SGMS1: variants seen among roughly 807,000 people sequenced by gnomAD.
SGMS1 encodes phosphatidylcholine:ceramide cholinephosphotransferase 1.
In SGMS1, 13 loss-of-function variants were observed where a neutral mutation model predicts 46.2. The observed-to-expected ratio is 0.28, with a 90% CI of 0.18 to 0.45. The LOEUF (loss-of-function observed/expected upper bound fraction) is 0.45, where lower values mean the gene tolerates loss of function less well. SGMS1 is among the 20% of genes least tolerant of loss of function. The pLI, the probability that SGMS1 is intolerant of heterozygous loss-of-function variation, is 1.00. For synonymous variants in SGMS1, 203 were observed against 187.8 expected, an observed-to-expected ratio of 1.08 and a Z score of -0.66; for missense variants, 324 against 519.9, an observed-to-expected ratio of 0.62 and a Z score of 3.66.
chr10:50,383,513 T>C (rs190495679), intron 6 of SGMS1, among the ~76,000 whole-genome samples: 220 of 152,222 alleles, frequency 1.4e-3, no homozygotes, highest in African/African-American at 5.2e-3. Context: ...ACAGGAAAGT[T>C]TGGAAAAGGT....
chr10:50,586,630 CAT>C (rs1334116429), intron 2 of SGMS1, among the ~76,000 whole-genome samples: 1 of 152,234 alleles, frequency 6.6e-6, no homozygotes, highest in East Asian at 1.9e-4. Context: ...ACGTAGAAAA[CAT>C]GTGCCAGTAG....
At chr10:50,391,663 T>C (rs1589420652) in intron 6 of SGMS1, among the ~76,000 whole-genome samples, 1 of 152,104 alleles carries the variant, frequency 6.6e-6, no homozygotes, top group South Asian at 2.1e-4. Context: ...AATCCCATTA[T>C]TGGGTATTTA....
intron 2 of SGMS1, among the ~76,000 whole-genome samples, chr10:50,521,050 T>G (rs1013310751): frequency 3.1e-4 from 47 of 152,194 alleles, no homozygotes; most frequent in African/African-American, 1.1e-3. Flanking sequence ...AGTTGATTTT[T>G]TTTTTAGTAG....
chr10:50,378,384 T>C (rs543643891), intron 6 of SGMS1, among the ~76,000 whole-genome samples: 5 of 152,314 alleles, frequency 3.3e-5, no homozygotes, highest in African/African-American at 4.8e-5. Context: ...TTTTAGAACC[T>C]ATGGCTAAAA....
intron 2 of SGMS1, among the ~76,000 whole-genome samples, chr10:50,530,475 C>T (rs189735441): frequency 3.4e-4 from 52 of 152,282 alleles, no homozygotes; most frequent in African/African-American, 1.2e-3. Flanking sequence ...CACCGAAGTA[C>T]TGAGAAGCAG....
chr10:50,621,125 C>T (rs2131948143), intron 1 of SGMS1, among the ~76,000 whole-genome samples: 1 of 151,982 alleles, frequency 6.6e-6, no homozygotes, highest in East Asian at 1.9e-4. Flanking sequence ...TACAGTAAGC[C>T]GAGATTGTAC....
chr10:50,515,953 T>A (rs1837802252), intron 3 of SGMS1, among the ~76,000 whole-genome samples: 1 of 152,204 alleles, frequency 6.6e-6, no homozygotes, highest in Non-Finnish European at 1.5e-5. Flanking sequence ...TTCCTAGAAA[T>A]GTTTTCAGTG....
In SGMS1 at chr10:50,343,773, C is replaced by T. The variant is rs1442049951; in HGVS notation, c.342G>A (p.Glu114=). The T allele has an allele frequency of 6.2e-7, 1 of 1,614,184 alleles. No individual in the cohort carries two copies. The highest frequency in any genetic ancestry group is 1.1e-5 in the South Asian group (1 of 91,074). Residue 114 remains glutamate (E), a synonymous_variant, in exon 7 of 11, where the codon GAG becomes GAA. Transcript: ENST00000361781. ...GTTCTGGCATGGGGATCTTTATCAT[C>T]TCTTTCCTATACCCATTTGGCATCC... The part of the protein sequence containing the change: ...PNGMPNGYRK[E]MIKIPMPELE...
intron 3 of SGMS1, among the ~76,000 whole-genome samples, chr10:50,490,572 G>T (rs1416797824): frequency 6.6e-6 from 1 of 152,206 alleles, no homozygotes; most frequent in Non-Finnish European, 1.5e-5. Flanking sequence ...GACCTAAGCT[G>T]AAGTCATTTA....
At chr10:50,326,471 T>C (rs1292456511) in intron 8 of SGMS1, among the ~76,000 whole-genome samples, 5 of 152,358 alleles carry the variant, frequency 3.3e-5, no homozygotes, top group South Asian at 4.1e-4. Flanking sequence ...GAGTATACTA[T>C]ATTTTCTCCC....
At chr10:50,561,432 C>G (rs895684672) in intron 2 of SGMS1, among the ~76,000 whole-genome samples, 1 of 152,204 alleles carries the variant, frequency 6.6e-6, no homozygotes, top group African/African-American at 2.4e-5. Context: ...ACGAGCACTG[C>G]TGGGTTAGAG....
rs1430405726 is a variant in SGMS1 at position 50,516,073 on chromosome 10, T to C, written c.-498+3758A>G. Among the ~76,000 whole-genome samples the C allele has an allele frequency of 2.0e-5, 3 of 152,114 alleles. No homozygotes were observed. In the East Asian group the frequency reaches 5.8e-4, roughly 29 times the overall value. The stretch of plus-strand genomic sequence containing the variant: ...CTAATGTATTACTTTCATCACAAAA[T>C]CCACACACACACTTGTCAGATCTGT... On this transcript the variant is annotated intron_variant, in intron 3 of 10. Coordinates refer to ENST00000361781, the MANE Select transcript of SGMS1 (RefSeq NM_147156.4).
intron 6 of SGMS1, among the ~76,000 whole-genome samples, chr10:50,351,619 T>G (rs187562171): frequency 6.6e-6 from 1 of 152,338 alleles, no homozygotes; most frequent in African/African-American, 2.4e-5. Context: ...TCATGAGATC[T>G]GATGGGTTTA....
chr10:50,460,276 A>G (rs1315531127), intron 5 of SGMS1: 1 of 152,254 alleles, frequency 6.6e-6, no homozygotes, highest in African/African-American at 2.4e-5. Flanking sequence ...AATGGCCTTG[A>G]TGATGTTCAG....
intron 1 of SGMS1, among the ~76,000 whole-genome samples, chr10:50,604,546 A>G (rs1838677405): frequency 6.6e-6 from 1 of 152,220 alleles, no homozygotes; most frequent in East Asian, 1.9e-4. Flanking sequence ...CTTTTTTCCC[A>G]GAGACACATT....
At chr10:50,624,503 A>T, upstream of SGMS1, 2 of 741,244 alleles carry the variant, frequency 2.7e-6, no homozygotes, top group African/African-American at 1.9e-5. Flanking sequence ...AGAAAAAAAA[A>T]GCCTCTGGCG....
chr10:50,607,610 T>C (rs1838709590), intron 1 of SGMS1, among the ~76,000 whole-genome samples: 1 of 152,194 alleles, frequency 6.6e-6, no homozygotes, highest in Non-Finnish European at 1.5e-5. Context: ...GATGCATTTT[T>C]CTCTCAACTG....
chr10:50,466,769 C>G (rs182979200), intron 4 of SGMS1, 121 bp downstream of exon 4: 7 of 152,030 alleles, frequency 4.6e-5, no homozygotes, highest in Non-Finnish European at 1.0e-4. Context: ...ATCTATATCC[C>G]CAAGATATTC....
intron 6 of SGMS1, among the ~76,000 whole-genome samples, chr10:50,412,683 G>A (rs893845368): frequency 2.2e-4 from 33 of 151,792 alleles, no homozygotes; most frequent in African/African-American, 8.0e-4. Flanking sequence ...ACACCTTAAG[G>A]CATGGAAAAA....
Sources: gnomAD v4.1 joint callset for allele counts (sites outside exome capture counted in the v4.1 genomes callset) on GRCh38, gnomAD v4.1.1 for gene constraint, MANE v1.5 for transcripts, NCBI Gene and HGNC (gene_info 2026-07-23, HGNC 2026-07-21) for gene names.